The following BTBD7 variants were observed in gnomAD, a reference collection of about 807,000 sequenced individuals.
BTBD7 encodes BTB/POZ domain-containing protein 7.
Under a neutral mutation model 99.9 loss-of-function variants are expected in BTBD7, and 38 were observed. That is an observed-to-expected ratio of 0.38 (90% confidence interval 0.29 to 0.50). The LOEUF is 0.50. Among genes scored for constraint, BTBD7 ranks in the 20% least tolerant of loss-of-function variants. The pLI is 0.93. For missense variants in BTBD7, 1,170 were observed against 1,394.6 expected (o/e 0.84, Z 2.57); for synonymous variants, 520 against 511.4 (o/e 1.02, Z -0.23).
In BTBD7 at chr14:93,238,326, A is replaced by G. The variant is rs2052183066; in HGVS notation, c.*3947T>C. ...ATATGACAATCTACAGGACAAAAAG[A>G]CAACATGTCACCAAATATTGTTCAT... is the stretch of plus-strand genomic sequence containing the variant. On this transcript the variant is annotated 3_prime_UTR_variant, in exon 11 of 11. Coordinates refer to ENST00000334746, the MANE Select transcript of BTBD7 (RefSeq NM_001002860.4). The G allele has an allele frequency of 6.6e-6, 1 of 152,554 alleles. No homozygotes were observed. The highest frequency in any genetic ancestry group is 6.5e-5 in the Admixed American group (1 of 15,288). 9.5% of individuals were successfully genotyped at this position (152,554 alleles called of 1,614,324 possible). A position where few individuals can be genotyped will look rare whatever the true frequency, so the allele number is the denominator to read the frequency against.
chr14:93,278,200 G>A (rs1324600837), intron 3 of BTBD7, among the ~76,000 whole-genome samples: 1 of 151,806 alleles, frequency 6.6e-6, no homozygotes, highest in Non-Finnish European at 1.5e-5. Context: ...ATCACTTGAG[G>A]TCAGGAGTTC....
At chr14:93,249,340 C>A (rs75282213) in intron 8 of BTBD7, among the ~76,000 whole-genome samples, 4 of 149,700 alleles carry the variant, frequency 2.7e-5, no homozygotes, top group African/African-American at 9.9e-5. Context: ...CTGAGACAGC[C>A]TGGCAGAAGT....
intron 10 of BTBD7, among the ~76,000 whole-genome samples, chr14:93,244,784 G>C (rs1234033398): frequency 1.3e-5 from 2 of 151,988 alleles, no homozygotes; most frequent in African/African-American, 2.4e-5. Context: ...TGAACTGACA[G>C]GTGAATCTTT....
chr14:93,247,648 A>T (rs1280165345), intron 9 of BTBD7, among the ~76,000 whole-genome samples: 1 of 152,182 alleles, frequency 6.6e-6, no homozygotes. Context: ...GCCCGGCCAC[A>T]TCCTATCCTT....
At position 93,300,772 on chromosome 14, in the gene BTBD7, G is replaced by GTGTGTA. The variant is rs1438410480; in HGVS notation, c.-106-4616_-106-4615insTACACA. ...TGTGTGTGTGTGTGTGTGTGTGTGT[G>GTGTGTA]TATATATATATATATTTTTTTTTTG... On this transcript the variant is annotated intron_variant, in intron 1 of 10. Transcript: ENST00000334746. Among the ~76,000 whole-genome samples the GTGTGTA allele has an allele frequency of 2.9e-3, 196 of 67,764 alleles. 3 individuals are homozygous for GTGTGTA. The highest frequency in any genetic ancestry group is 4.0e-3 in the East Asian group (9 of 2,258). The allele number at this position is 67,764 out of a possible 152,430, so 44.5% of individuals were successfully genotyped here.
At chr14:93,258,928 G>A (rs1032224646) in intron 5 of BTBD7, among the ~76,000 whole-genome samples, 1 of 152,184 alleles carries the variant, frequency 6.6e-6, no homozygotes, top group Non-Finnish European at 1.5e-5. Flanking sequence ...TTAACAGGCA[G>A]ATGCCTGTTA....
chr14:93,289,061 G>C (rs1445276334), intron 3 of BTBD7, among the ~76,000 whole-genome samples: 1 of 152,098 alleles, frequency 6.6e-6, no homozygotes, highest in Non-Finnish European at 1.5e-5. Context: ...GGCAGTAGCA[G>C]AGAGGCGAAT....
chr14:93,250,724 C>T lies in BTBD7; in HGVS notation c.1942+739G>A, dbSNP rs749496619. Among the ~76,000 whole-genome samples the T allele has an allele frequency of 3.9e-5, 6 of 152,178 alleles. No individual in the cohort carries two copies. In the South Asian group the frequency reaches 1.2e-3, roughly 32 times the overall value. ...TGGTTAAAGCCAACATTTACTGATG[C>T]TCAGACGTTTTTGGACATGACAGTT... On this transcript the variant is annotated intron_variant, in intron 8 of 10. Coordinates refer to ENST00000334746, the MANE Select transcript of BTBD7 (RefSeq NM_001002860.4).
At chr14:93,300,704 TTGTGTGTGTGTGTGTG>T (rs57228905) in intron 1 of BTBD7, among the ~76,000 whole-genome samples, 5,158 of 86,988 alleles carry the variant, frequency 0.059, 321 homozygotes, top group East Asian at 0.092. Flanking sequence ...CCCAGCTAAT[TTGTGTGTGTGTGTGTG>T]TGTGTGTGTG....
intron 1 of BTBD7, among the ~76,000 whole-genome samples, chr14:93,325,758 T>C (rs1366297910): frequency 6.6e-6 from 1 of 151,466 alleles, no homozygotes; most frequent in Non-Finnish European, 1.5e-5. Flanking sequence ...CACAACTATA[T>C]CTAAAAACCC....
At chr14:93,257,674 T>C (rs2052445356) in intron 5 of BTBD7, among the ~76,000 whole-genome samples, 1 of 152,222 alleles carries the variant, frequency 6.6e-6, no homozygotes, top group Non-Finnish European at 1.5e-5. Context: ...TCAAGGGCTT[T>C]TTAAAAAGCC....
At chr14:93,311,154 A>G (rs934927436) in intron 1 of BTBD7, among the ~76,000 whole-genome samples, 1 of 152,228 alleles carries the variant, frequency 6.6e-6, no homozygotes, top group Non-Finnish European at 1.5e-5. Context: ...TAATAGACTT[A>G]CATCTATGTG....
At chr14:93,273,649 CT>C (rs1443638720) in intron 3 of BTBD7, among the ~76,000 whole-genome samples, 1 of 152,186 alleles carries the variant, frequency 6.6e-6, no homozygotes, top group Non-Finnish European at 1.5e-5. Context: ...GGAGAAGCAG[CT>C]CCCCCAACTC....
chr14:93,252,482 G>T (rs1476305520), intron 7 of BTBD7, among the ~76,000 whole-genome samples: 1 of 150,500 alleles, frequency 6.6e-6, no homozygotes, highest in Non-Finnish European at 1.5e-5. Flanking sequence ...CAAGCCTCCT[G>T]CATAGCTGGG....
chr14:93,270,796 C>T (rs1320637124), intron 3 of BTBD7, among the ~76,000 whole-genome samples: 2 of 152,120 alleles, frequency 1.3e-5, no homozygotes, highest in East Asian at 3.8e-4. Flanking sequence ...ATACATTCCG[C>T]TCAGGCAGAC....
At chr14:93,261,817 T>A in intron 4 of BTBD7, 140 bp from the exon 5 acceptor site, 2 of 637,924 alleles carry the variant, frequency 3.1e-6, no homozygotes, top group South Asian at 4.0e-5. Flanking sequence ...GAAGTTTTAG[T>A]GTTAAATCTG....
chr14:93,319,800 T>C (rs1051993164), intron 1 of BTBD7, among the ~76,000 whole-genome samples: 4 of 150,100 alleles, frequency 2.7e-5, no homozygotes, highest in Admixed American at 6.6e-5. Context: ...AGATCTCATA[T>C]TGTGTTCTTA....
At chr14:93,266,385 G>C (rs202002448) in intron 3 of BTBD7, among the ~76,000 whole-genome samples, 2 of 152,060 alleles carry the variant, frequency 1.3e-5, no homozygotes, top group East Asian at 3.9e-4. Flanking sequence ...TAGAGAGTTC[G>C]CAACTTATCA....
chr14:93,273,584 G>T (rs1287939861), intron 3 of BTBD7, among the ~76,000 whole-genome samples: 1 of 152,180 alleles, frequency 6.6e-6, no homozygotes, highest in Non-Finnish European at 1.5e-5. Context: ...GGGGATATTT[G>T]GTTGGCTTAG....
Sources: gnomAD v4.1 joint callset for allele counts (sites outside exome capture counted in the v4.1 genomes callset) on GRCh38, gnomAD v4.1.1 for gene constraint, MANE v1.5 for transcripts, NCBI Gene and HGNC (gene_info 2026-07-23, HGNC 2026-07-21) for gene names.